Variants in MS4A14 observed in about 807,000 individuals in gnomAD.
The protein encoded by MS4A14 is membrane spanning 4-domains A14.
A neutral mutation model predicts 16.7 loss-of-function variants in MS4A14; 18 were observed. The ratio of observed to expected loss-of-function variants is 1.08; its 90% CI spans 0.75 to 1.60. The LOEUF is 1.60. Ranked by LOEUF, MS4A14 falls within the 40% of genes most tolerant of loss-of-function variation. The pLI is 0.00. For synonymous variants in MS4A14, 305 were observed against 289.4 expected (o/e 1.05, Z -0.55); for missense variants, 812 against 775.3 (o/e 1.05, Z -0.56).
intron 4 of MS4A14, chr11:60,405,915 C>T: frequency 6.5e-7 from 1 of 1,535,066 alleles, no homozygotes; most frequent in Middle Eastern, 1.7e-4. Flanking sequence ...TACTGATCAT[C>T]AGCATAGCAG....
At chr11:60,414,434 C>T (rs2085908905) in intron 4 of MS4A14, among the ~76,000 whole-genome samples, 1 of 152,120 alleles carries the variant, frequency 6.6e-6, no homozygotes, top group South Asian at 2.1e-4. Context: ...TTCATTTAAT[C>T]ACTGAGTTCT....
At chr11:60,410,828 T>TG (rs2085857423) in intron 4 of MS4A14, among the ~76,000 whole-genome samples, 1 of 71,504 alleles carries the variant, frequency 1.4e-5, no homozygotes, top group Admixed American at 1.7e-4. Context: ...CCATATTTTT[T>TG]GGGTTTTTTT....
intron 4 of MS4A14, among the ~76,000 whole-genome samples, chr11:60,410,253 T>A (rs2085848899): frequency 6.6e-6 from 1 of 152,232 alleles, no homozygotes; most frequent in Non-Finnish European, 1.5e-5. Context: ...CATGTATACA[T>A]CTTCTTTGGA....
rs772220799 is a variant in MS4A14, at chr11:60,416,796, C to G, written c.1828C>G (p.Pro610Ala). ...QTQDQQTEDQ[P>A]AQEKKSPKGQ... ...CCAGGATCAGCAAACTGAAGACCAG[C>G]CGGCCCAAGAGAAGAAATCCCCGAA... Residue 610 changes from proline to alanine, a missense_variant, in exon 5 of 5, where the codon CCG (proline) becomes GCG (alanine). Pro to Ala is a conservative substitution (Grantham distance 27). Coordinates refer to ENST00000300187, the MANE Select transcript of MS4A14 (RefSeq NM_032597.5). The G allele has an allele frequency of 1.9e-6, 3 of 1,613,544 alleles. No individual in the cohort carries two copies. The highest frequency in any genetic ancestry group is 1.7e-5 in the Admixed American group (1 of 59,854).
chr11:60,406,954 A>G (rs562781723), intron 4 of MS4A14, among the ~76,000 whole-genome samples: 47 of 151,446 alleles, frequency 3.1e-4, no homozygotes, highest in African/African-American at 1.0e-3. Context: ...GCCTCTATCA[A>G]GAATTCATTC....
intron 4 of MS4A14, 71 bp downstream of exon 4, chr11:60,403,132 A>C: frequency 6.7e-7 from 1 of 1,486,288 alleles, no homozygotes; most frequent in Non-Finnish European, 9.4e-7. Flanking sequence ...GTAATGATTC[A>C]CTGATTTTTA....
intron 4 of MS4A14, chr11:60,406,004 CTTAATATTA>C: frequency 7.0e-7 from 1 of 1,429,936 alleles, no homozygotes; most frequent in Non-Finnish European, 9.2e-7. Context: ...TCTGATGTCT[CTTAATATTA>C]TTAAGAGAAC....
At chr11:60,405,383 T>C (rs775054714) in intron 4 of MS4A14, among the ~76,000 whole-genome samples, 10 of 152,166 alleles carry the variant, frequency 6.6e-5, no homozygotes, top group East Asian at 1.9e-4. Context: ...CCGGCCAACC[T>C]TGGACTCACT....
rs1428936884 is a variant in MS4A14 at position 60,396,640 on chromosome 11, C to T, written c.62C>T (p.Thr21Ile). The T allele has an allele frequency of 6.2e-7, 1 of 1,613,824 alleles. No individual in the cohort carries two copies. The highest frequency in any genetic ancestry group is 8.5e-7 in the Non-Finnish European group (1 of 1,179,958). Residue 21 changes from threonine (T) to isoleucine (I), a missense_variant, in exon 1 of 5, where the codon ACT becomes ATT. Transcript: ENST00000300187. ...THVITIKPNETVLTAFPYRPH... is the reference protein window; with the variant it reads ...THVITIKPNEIVLTAFPYRPH... ...GTCATCACTATAAAACCAAACGAAA[C>T]TGTATTGACTGCATTTCCCTACAGA...
chr11:60,411,984 A>G (rs762508507), intron 4 of MS4A14, among the ~76,000 whole-genome samples: 2 of 152,098 alleles, frequency 1.3e-5, no homozygotes, highest in African/African-American at 4.8e-5. Context: ...AAGGCATTTC[A>G]TCAAATGCCT....
chr11:60,399,142 T>G (rs1237969687), intron 2 of MS4A14, among the ~76,000 whole-genome samples: 1 of 152,242 alleles, frequency 6.6e-6, no homozygotes, highest in African/African-American at 2.4e-5. Context: ...TTAGACAGTT[T>G]GTCATCTAAC....
intron 4 of MS4A14, among the ~76,000 whole-genome samples, chr11:60,408,142 A>G (rs1377832640): frequency 2.0e-5 from 3 of 152,136 alleles, no homozygotes; most frequent in Non-Finnish European, 4.4e-5. Context: ...TTGAAAATGC[A>G]ATGCTTTCCT....
chr11:60,416,099 C>T lies in MS4A14; in HGVS notation c.1131C>T (p.Ser377=). 6.2e-7 allele frequency: 1 copy of T among 1,609,428 alleles called. No individual in the cohort carries two copies. Among genetic ancestry groups the T allele is most frequent in the Non-Finnish European group, 8.5e-7 (1 of 1,177,712 alleles). The change falls in exon 5 of 5, where the codon TCC becomes TCT. Residue 377 remains serine (S), a synonymous_variant. Transcript: ENST00000300187. ...SQDMLFHDMT[S]QDMQSLDMLS... is the part of the protein sequence containing the mutation. The stretch of plus-strand genomic sequence containing the variant: ...ATATGCTGTTTCATGACATGACATC[C>T]CAAGATATGCAATCCCTAGATATGC...
chr11:60,406,024 A>T lies in MS4A14; in HGVS notation c.468+2963A>T. 2.3e-6 allele frequency: 3 copies of T among 1,312,562 alleles called. No individual in the cohort carries two copies. The Admixed American group carries it at 9.2e-5, about 40-fold the overall frequency. 81.3% of individuals were successfully genotyped at this position (1,312,562 alleles called of 1,614,324 possible). A position where few individuals can be genotyped will look rare whatever the true frequency, so the allele number is the denominator to read the frequency against. ...TGTCTCTTAATATTATTAAGAGAAC[A>T]GGTTCCTGTTCCTGTTGGGATACTG... On this transcript the variant is annotated intron_variant, in intron 4 of 4. Coordinates refer to ENST00000300187, the MANE Select transcript of MS4A14 (RefSeq NM_032597.5).
Position 60,417,182 on chromosome 11 carries a change from G to A in MS4A14, c.*174G>A. 1.4e-6 allele frequency: 1 copy of A among 722,992 alleles called. No individual in the cohort carries two copies. The highest frequency in any genetic ancestry group is 2.1e-6 in the Non-Finnish European group (1 of 466,498). 44.8% of individuals were successfully genotyped at this position (722,992 alleles called of 1,614,324 possible). The stretch of plus-strand genomic sequence containing the variant: ...TAACCTAGAATGTCAAGACACTCAA[G>A]ATAAAGACCAACAAGACCTTCAATC... On this transcript the variant is annotated 3_prime_UTR_variant, in exon 5 of 5. Coordinates refer to ENST00000300187, the MANE Select transcript of MS4A14 (RefSeq NM_032597.5).
chr11:60,400,874 C>G (rs1478567404), intron 3 of MS4A14, among the ~76,000 whole-genome samples: 1 of 152,178 alleles, frequency 6.6e-6, no homozygotes, highest in African/African-American at 2.4e-5. Flanking sequence ...CCCCCCAACA[C>G]AAAAATTATC....
chr11:60,396,607 C>T lies in MS4A14; in HGVS notation c.29C>T (p.Ala10Val). Residue 10 changes from alanine (A) to valine (V), a missense_variant, in exon 1 of 5, where the codon GCA becomes GTA. Transcript: ENST00000300187. MESTSQDRR[A>V]THVITIKPNE... The stretch of plus-strand genomic sequence containing the variant: ...GAGTCAACATCCCAGGACAGAAGGG[C>T]AACTCACGTCATCACTATAAAACCA... The T allele has an allele frequency of 1.2e-6, 2 of 1,613,598 alleles. No individual in the cohort carries two copies. Among genetic ancestry groups the T allele is most frequent in the Non-Finnish European group, 1.7e-6 (2 of 1,179,686 alleles).
chr11:60,412,917 C>A (rs181112722), intron 4 of MS4A14, among the ~76,000 whole-genome samples: 56 of 151,968 alleles, frequency 3.7e-4, no homozygotes, highest in African/African-American at 1.3e-3. Flanking sequence ...TTGTACTGAG[C>A]CTATAGATAA....
intron 2 of MS4A14, among the ~76,000 whole-genome samples, chr11:60,398,722 C>T (rs1489686613): frequency 6.6e-6 from 1 of 152,114 alleles, no homozygotes; most frequent in Non-Finnish European, 1.5e-5. Context: ...ATAAATTAGG[C>T]CACTATCTCT....
Sources: gnomAD v4.1 joint callset for allele counts (sites outside exome capture counted in the v4.1 genomes callset) on GRCh38, gnomAD v4.1.1 for gene constraint, MANE v1.5 for transcripts, NCBI Gene and HGNC (gene_info 2026-07-23, HGNC 2026-07-21) for gene names.